The following ATAD2 variants were observed in gnomAD, a reference collection of about 807,000 sequenced individuals.
ATAD2 encodes ATPase family AAA domain containing 2.
ATAD2 carries 62 observed loss-of-function variants against 168.9 expected under a neutral mutation model. The ratio of observed to expected loss-of-function variants is 0.37; its 90% CI spans 0.30 to 0.45. The LOEUF is 0.45. Among genes scored for constraint, ATAD2 ranks in the 20% least tolerant of loss-of-function variants. The probability of loss-of-function intolerance (pLI) is 1.00; values close to 1 mark genes in which losing one functional copy is unlikely to be tolerated. For synonymous variants in ATAD2, 613 were observed against 571.6 expected (o/e 1.07, Z -1.03); for missense variants, 1,419 against 1,667.8 (o/e 0.85, Z 2.60).
chr8:123,358,344 C>T (rs1243926872), intron 11 of ATAD2, among the ~76,000 whole-genome samples: 1 of 151,982 alleles, frequency 6.6e-6, no homozygotes, highest in Non-Finnish European at 1.5e-5. Flanking sequence ...CCATGCCTGG[C>T]ACTTTCTATT....
chr8:123,403,353 G>A (rs2130024082), intron 1 of ATAD2, among the ~76,000 whole-genome samples: 1 of 151,830 alleles, frequency 6.6e-6, no homozygotes, highest in African/African-American at 2.4e-5. Context: ...GCCCACTTAG[G>A]CCTCCCAAAG....
intron 12 of ATAD2, 114 bp downstream of exon 12, chr8:123,357,448 C>A (rs1828685701): frequency 9.7e-7 from 1 of 1,028,506 alleles, no homozygotes; most frequent in East Asian, 2.9e-5. Context: ...AAGAAATAGT[C>A]TAATTCTTCT....
intron 13 of ATAD2, 91 bp downstream of exon 13, chr8:123,356,298 T>C (rs1828643727): frequency 9.3e-7 from 1 of 1,071,096 alleles, no homozygotes; most frequent in East Asian, 2.7e-5. Flanking sequence ...GCTTATAAAG[T>C]TTCTTTCACC....
chr8:123,392,430 T>C (rs1208503945), intron 1 of ATAD2, among the ~76,000 whole-genome samples: 1 of 152,108 alleles, frequency 6.6e-6, no homozygotes. Context: ...ATTTGAATCA[T>C]AGTCACACAG....
intron 26 of ATAD2, among the ~76,000 whole-genome samples, 194 bp from the exon 27 acceptor site, chr8:123,323,260 C>T (rs747162489): frequency 8.5e-5 from 13 of 152,128 alleles, no homozygotes; most frequent in Non-Finnish European, 1.8e-4. Flanking sequence ...TGGCCTTGAC[C>T]TTGAGTAACT....
At chr8:123,369,325 T>G in intron 7 of ATAD2, 150 bp from the exon 8 acceptor site, 1 of 241,800 alleles carries the variant, frequency 4.1e-6, no homozygotes, top group Non-Finnish European at 7.4e-6. Flanking sequence ...CTATGGAATA[T>G]TTTGCTGTTC....
intron 1 of ATAD2, 74 bp from the exon 2 acceptor site, chr8:123,380,751 T>A: frequency 6.7e-7 from 1 of 1,491,638 alleles, no homozygotes; most frequent in South Asian, 1.2e-5. Flanking sequence ...CAAAGAGTAT[T>A]CTCTGATTAC....
intron 1 of ATAD2, among the ~76,000 whole-genome samples, chr8:123,415,613 G>C (rs1300469818): frequency 7.2e-6 from 1 of 138,752 alleles, no homozygotes; most frequent in South Asian, 2.3e-4. Flanking sequence ...TTTTTTTTTT[G>C]AGACGGAGTC....
intron 7 of ATAD2, 46 bp from the exon 8 acceptor site, chr8:123,369,221 AT>A (rs1829067164): frequency 1.5e-6 from 1 of 687,454 alleles, no homozygotes; most frequent in African/African-American, 1.9e-5. Flanking sequence ...ATATATATAT[AT>A]GGCATACAAA....
Position 123,320,918 on chromosome 8 carries a change from C to T in ATAD2, c.*216G>A, listed in dbSNP as rs572670420. Reference sequence around the variant, plus strand: ...ACTATTATTACTATTACTACAGGGTCTTGTTCTAGCAAAGTTCCAATATTT... The same window carrying T: ...ACTATTATTACTATTACTACAGGGTTTTGTTCTAGCAAAGTTCCAATATTT... On this transcript the variant is annotated 3_prime_UTR_variant, in exon 28 of 28. Coordinates refer to ENST00000287394, the MANE Select transcript of ATAD2 (RefSeq NM_014109.4). The T allele has an allele frequency of 8.8e-5, 44 of 497,302 alleles. No individual in the cohort carries two copies. The highest frequency in any genetic ancestry group is 2.9e-4 in the Admixed American group (7 of 24,526). 30.8% of individuals were successfully genotyped at this position (497,302 alleles called of 1,614,324 possible).
rs1827443622 is a variant in ATAD2, at chr8:123,320,728, G to C, written c.*406C>G. 6.1e-6 allele frequency: 1 copy of C among 164,828 alleles called. No homozygotes were observed. The highest frequency in any genetic ancestry group is 1.9e-4 in the East Asian group (1 of 5,390). 10.2% of individuals were successfully genotyped at this position (164,828 alleles called of 1,614,324 possible). A position where few individuals can be genotyped will look rare whatever the true frequency, so the allele number is the denominator to read the frequency against. ...CAAAGATGACAAAAAAGATGGGAAG[G>C]ACACAATGGTTAAGTAAGTTTCTTG... On this transcript the variant is annotated 3_prime_UTR_variant, in exon 28 of 28. Transcript: ENST00000287394.
chr8:123,377,091 C>CAGAAAAAAAAAAAAA (rs1829338496), intron 2 of ATAD2, among the ~76,000 whole-genome samples: 1 of 27,258 alleles, frequency 3.7e-5, no homozygotes, highest in Non-Finnish European at 5.6e-5. Context: ...GACTCCGTCT[C>CAGAAAAAAAAAAAAA]AAAAAAAAAA....
intron 1 of ATAD2, among the ~76,000 whole-genome samples, chr8:123,388,297 G>A (rs1464266103): frequency 6.6e-6 from 1 of 152,168 alleles, no homozygotes; most frequent in African/African-American, 2.4e-5. Context: ...CTGAGCTCAA[G>A]AGATCCTCCT....
In ATAD2 at chr8:123,396,323, T is replaced by A; in HGVS notation, c.35A>T (p.Asn12Ile). ...VVLRSSLELH[N>I]HSAASATGSL... The stretch of plus-strand genomic sequence containing the variant: ...GCCCGTGGCCGAGGCCGCGGAGTGG[T>A]TGTGCAGCTCCAAGCTGCTGCGGAG... Residue 12 changes from asparagine to isoleucine, a missense_variant, in exon 1 of 28, where the codon AAC becomes ATC. Asn to Ile is a moderately radical substitution (Grantham distance 149). Transcript: ENST00000287394. 3 of 1,606,942 alleles carry A rather than the reference T, an allele frequency of 1.9e-6. No individual in the cohort carries two copies. Among genetic ancestry groups the A allele is most frequent in the Non-Finnish European group, 2.5e-6 (3 of 1,177,850 alleles).
chr8:123,326,233 T>C (rs1222335736), intron 25 of ATAD2, among the ~76,000 whole-genome samples: 2 of 152,182 alleles, frequency 1.3e-5, no homozygotes, highest in Admixed American at 6.5e-5. Flanking sequence ...ATGTTTCATA[T>C]TGAGTATTTC....
upstream of ATAD2, chr8:123,396,477 AGC>A (rs1197349793): frequency 4.4e-6 from 5 of 1,137,672 alleles, no homozygotes; most frequent in African/African-American, 3.2e-5. Flanking sequence ...CAGCGGCCGC[AGC>A]GCGCGCGCCC....
chr8:123,369,467 G>C (rs1398531154), intron 7 of ATAD2: 3 of 249,422 alleles, frequency 1.2e-5, no homozygotes, highest in African/African-American at 6.7e-5. Context: ...TTGATTATCA[G>C]CCTTGTATAT....
At chr8:123,395,780 T>C (rs911157078) in intron 1 of ATAD2, among the ~76,000 whole-genome samples, 3 of 151,786 alleles carry the variant, frequency 2.0e-5, no homozygotes, top group African/African-American at 7.3e-5. Context: ...CCAACGTTTA[T>C]GGCGCAGACA....
At chr8:123,414,888 A>G (rs372890620) in intron 1 of ATAD2, among the ~76,000 whole-genome samples, 103 of 152,328 alleles carry the variant, frequency 6.8e-4, no homozygotes, top group African/African-American at 2.1e-3. Context: ...TAGACCATTT[A>G]CATTCAATGT....
Sources: gnomAD v4.1 joint callset for allele counts (sites outside exome capture counted in the v4.1 genomes callset) on GRCh38, gnomAD v4.1.1 for gene constraint, MANE v1.5 for transcripts, NCBI Gene and HGNC (gene_info 2026-07-23, HGNC 2026-07-21) for gene names.